EPB41L1: variants seen among roughly 807,000 people sequenced by gnomAD.
EPB41L1 encodes the protein erythrocyte membrane protein band 4.1 like 1.
A neutral mutation model predicts 97.8 loss-of-function variants in EPB41L1; 29 were observed. The ratio of observed to expected loss-of-function variants is 0.30; its 90% CI spans 0.22 to 0.40. EPB41L1 has a LOEUF of 0.40. EPB41L1 is among the 10% of genes least tolerant of loss of function. The pLI, the probability that EPB41L1 is intolerant of heterozygous loss-of-function variation, is 1.00. For missense variants in EPB41L1, 812 were observed against 1,162.3 expected (o/e 0.70, Z 4.38); for synonymous variants, 383 against 459.2 (o/e 0.83, Z 2.12).
Position 36,190,557 on chromosome 20 carries a change from G to T in EPB41L1, c.1125-65G>T. ...GTAGTGGGATGAAAGGCCAGCTGTGGTCTAACCTTGGGCCTGGCAGTGCAG... is the reference window on the plus strand; with the variant it reads ...GTAGTGGGATGAAAGGCCAGCTGTGTTCTAACCTTGGGCCTGGCAGTGCAG... On this transcript the variant is annotated intron_variant, in intron 10 of 21. Coordinates refer to ENST00000338074, the MANE Select transcript of EPB41L1 (RefSeq NM_012156.2). This position sits in a 1 kb window ranked among gnomAD's most constrained non-coding sequence, Gnocchi z 5.8. The T allele has an allele frequency of 6.2e-7, 1 of 1,602,790 alleles. No individual in the cohort carries two copies. The highest frequency in any genetic ancestry group is 8.5e-7 in the Non-Finnish European group (1 of 1,172,110).
chr20:36,103,704 CTT>C (rs398038437), intron 1 of EPB41L1, among the ~76,000 whole-genome samples: 10 of 135,714 alleles, frequency 7.4e-5, no homozygotes, highest in Admixed American at 7.3e-5. Flanking sequence ...CTTTTTCTTT[CTT>C]TTTTTTTTTT....
intron 21 of EPB41L1, among the ~76,000 whole-genome samples, chr20:36,224,454 C>G (rs1488971663): frequency 6.6e-6 from 1 of 152,100 alleles, no homozygotes; most frequent in Admixed American, 6.5e-5. Flanking sequence ...TTGAGATCAG[C>G]CTGACCAACG....
chr20:36,217,086 GAA>G (rs2063490691), intron 17 of EPB41L1, among the ~76,000 whole-genome samples: 1 of 152,196 alleles, frequency 6.6e-6, no homozygotes, highest in Non-Finnish European at 1.5e-5. Flanking sequence ...TGAAGTTGGA[GAA>G]CTGCTGATGT....
intron 2 of EPB41L1, among the ~76,000 whole-genome samples, chr20:36,124,194 G>T (rs753523811): frequency 1.3e-5 from 2 of 152,188 alleles, no homozygotes; most frequent in African/African-American, 2.4e-5. Context: ...TGCAGAGCTT[G>T]CAGTGAGCCG....
chr20:36,148,860 G>A (rs1019014298), intron 2 of EPB41L1: 4 of 152,224 alleles, frequency 2.6e-5, no homozygotes, highest in African/African-American at 9.7e-5. Flanking sequence ...TCATGACAAC[G>A]GAGCCCCAAA....
intron 1 of EPB41L1, among the ~76,000 whole-genome samples, chr20:36,159,329 G>C (rs1204648215): frequency 6.6e-6 from 1 of 152,194 alleles, no homozygotes; most frequent in Non-Finnish European, 1.5e-5. Context: ...CCAACAATAG[G>C]AAGATGATTG....
Position 36,182,265 on chromosome 20 carries a change from C to T in EPB41L1, c.491-7C>T, listed in dbSNP as rs1569231329. 1 of 1,613,878 alleles carries T rather than the reference C, an allele frequency of 6.2e-7. No homozygotes were observed. Among genetic ancestry groups the T allele is most frequent in the South Asian group, 1.1e-5 (1 of 91,072 alleles). On this transcript the variant is annotated splice_region_variant and splice_polypyrimidine_tract_variant and intron_variant, in intron 5 of 21. Transcript: ENST00000338074. Reference sequence around the variant, plus strand: ...GCCTCGCTGATCTCTCTCCCATCTCCTCTCAGGTAGCCCCTGGAATTTTGC... The same window carrying T: ...GCCTCGCTGATCTCTCTCCCATCTCTTCTCAGGTAGCCCCTGGAATTTTGC...
chr20:36,174,947 T>C (rs2061161613), intron 2 of EPB41L1, among the ~76,000 whole-genome samples: 1 of 152,154 alleles, frequency 6.6e-6, no homozygotes, highest in South Asian at 2.1e-4. Context: ...GCCAGCCCCA[T>C]GTAACCCCAG....
chr20:36,208,339 C>T (rs1170051882), intron 14 of EPB41L1: 1 of 454,090 alleles, frequency 2.2e-6, no homozygotes, highest in Non-Finnish European at 4.4e-6. Context: ...AGAAGCGCTC[C>T]ACCAACTTAG....
intron 11 of EPB41L1, among the ~76,000 whole-genome samples, chr20:36,191,605 G>T (rs1258101983): frequency 6.6e-6 from 1 of 152,134 alleles, no homozygotes; most frequent in African/African-American, 2.4e-5. Context: ...GTTTGTAGGT[G>T]ATGTTCGGAA....
In EPB41L1 at chr20:36,206,880, T is replaced by C. The variant is rs2146733205; in HGVS notation, c.1669-2608T>C. 9 of 1,289,854 alleles carry C rather than the reference T, an allele frequency of 7.0e-6. No individual in the cohort carries two copies. The highest frequency in any genetic ancestry group is 9.1e-6 in the Non-Finnish European group (9 of 988,870). The allele number at this position is 1,289,854 out of a possible 1,614,324, so 79.9% of individuals were successfully genotyped here. On this transcript the variant is annotated intron_variant, in intron 14 of 21. Coordinates refer to ENST00000338074, the MANE Select transcript of EPB41L1 (RefSeq NM_012156.2). The surrounding 1 kb of genome is among the most constrained non-coding windows in gnomAD (Gnocchi z 5.5). Reference sequence around the variant, plus strand: ...CCACAGAGGAACTGAAGAAGCACCCTCCTCACAGAGGACAGGGCGTGCATC... The same window carrying C: ...CCACAGAGGAACTGAAGAAGCACCCCCCTCACAGAGGACAGGGCGTGCATC...
At chr20:36,219,697 T>C (rs78774656) in intron 18 of EPB41L1, 64 bp from the exon 19 acceptor site, 16,677 of 1,145,770 alleles carry the variant, frequency 0.015, 762 homozygotes, top group African/African-American at 0.15. Flanking sequence ...CACCCCGCCC[T>C]CACCCCTCCA....
chr20:36,125,506 AC>A, intron 2 of EPB41L1: 2 of 1,454,336 alleles, frequency 1.4e-6, no homozygotes, highest in Non-Finnish European at 1.9e-6. Context: ...AGAGCCTAGC[AC>A]CTACTGAGCG....
At chr20:36,198,894 G>A (rs753380274) in intron 14 of EPB41L1, among the ~76,000 whole-genome samples, 1 of 152,094 alleles carries the variant, frequency 6.6e-6, no homozygotes, top group South Asian at 2.1e-4. Context: ...ACCTCTCTGA[G>A]GCTCGTTGGG....
chr20:36,208,863 C>G (rs2062972779), intron 14 of EPB41L1, among the ~76,000 whole-genome samples: 1 of 152,236 alleles, frequency 6.6e-6, no homozygotes, highest in Admixed American at 6.5e-5. Flanking sequence ...ACTCATGGAG[C>G]CCAGGGTGGA....
intron 2 of EPB41L1, among the ~76,000 whole-genome samples, chr20:36,123,428 T>C (rs1283690531): frequency 6.6e-6 from 1 of 151,364 alleles, no homozygotes; most frequent in East Asian, 1.9e-4. Context: ...AAAATTTAAG[T>C]TCTGGTTTTT....
Position 36,212,322 on chromosome 20 carries a change from G to T in EPB41L1, c.2130G>T (p.Lys710Asn). 6.2e-7 allele frequency: 1 copy of T among 1,614,218 alleles called. No homozygotes were observed. Among genetic ancestry groups the T allele is most frequent in the Non-Finnish European group, 8.5e-7 (1 of 1,180,038 alleles). Residue 710 changes from lysine to asparagine, a missense_variant, in exon 16 of 22, where the codon AAG (lysine) becomes AAT (asparagine). Coordinates refer to ENST00000338074, the MANE Select transcript of EPB41L1 (RefSeq NM_012156.2). The surrounding 1 kb of genome is among the most constrained non-coding windows in gnomAD (Gnocchi z 4.8). ...MTVSSLAIRK[K>N]IEPEAVLQTR... ...TCAGCAGTCTGGCCATTAGAAAGAAGATTGAGCCGGAGGCCGTACTGCAGA... is the reference window on the plus strand; with the variant it reads ...TCAGCAGTCTGGCCATTAGAAAGAATATTGAGCCGGAGGCCGTACTGCAGA...
At chr20:36,119,098 C>T (rs1243938832) in intron 2 of EPB41L1, among the ~76,000 whole-genome samples, 1 of 152,220 alleles carries the variant, frequency 6.6e-6, no homozygotes, top group Non-Finnish European at 1.5e-5. Flanking sequence ...CTCTCTCATT[C>T]CCCAGTAGTT....
At chr20:36,159,464 C>T (rs962695695) in intron 1 of EPB41L1, among the ~76,000 whole-genome samples, 3 of 152,168 alleles carry the variant, frequency 2.0e-5, no homozygotes, top group Admixed American at 6.5e-5. Context: ...TCATTTTGTG[C>T]TTATGACTGC....
Sources: gnomAD v4.1 joint callset for allele counts (sites outside exome capture counted in the v4.1 genomes callset) on GRCh38, gnomAD v4.1.1 for gene constraint, Gnocchi (gnomAD v3.1) non-coding constraint, MANE v1.5 for transcripts, NCBI Gene and HGNC (gene_info 2026-07-23, HGNC 2026-07-21) for gene names.